The following DYNC1H1 variants were observed in gnomAD, a reference collection of about 807,000 sequenced individuals.
DYNC1H1 encodes the protein cytoplasmic dynein 1 heavy chain 1.
Under a neutral mutation model 527.1 loss-of-function variants are expected in DYNC1H1, and 51 were observed. The ratio of observed to expected loss-of-function variants is 0.10; its 90% CI spans 0.08 to 0.12. The LOEUF (loss-of-function observed/expected upper bound fraction) is 0.12. Among genes scored for constraint, DYNC1H1 ranks in the 10% least tolerant of loss-of-function variants. The pLI, the probability that DYNC1H1 is intolerant of heterozygous loss-of-function variation, is 1.00. For missense variants in DYNC1H1, 2,771 were observed against 5,971.8 expected (o/e 0.46, Z 17.66); for synonymous variants, 2,189 against 2,278.8 (o/e 0.96, Z 1.12).
Position 102,004,700 on chromosome 14 carries a change from A to C in DYNC1H1, c.5049+17A>C. On this transcript the variant is annotated intron_variant, in intron 24 of 77. Transcript: ENST00000360184. ...GGAGAGGAGGTAAATTTATGTTCGTAACTTTTAAAACTTCTCTCACATTTT... is the reference window on the plus strand; with the variant it reads ...GGAGAGGAGGTAAATTTATGTTCGTCACTTTTAAAACTTCTCTCACATTTT... 1 of 1,614,182 alleles carries C rather than the reference A, an allele frequency of 6.2e-7. No individual in the cohort carries two copies. The highest frequency in any genetic ancestry group is 8.5e-7 in the Non-Finnish European group (1 of 1,180,036).
Position 101,964,647 on chromosome 14 carries a change from G to T in DYNC1H1, c.-45G>T. The T allele has an allele frequency of 6.4e-7, 1 of 1,550,654 alleles. No homozygotes were observed. The highest frequency in any genetic ancestry group is 8.7e-7 in the Non-Finnish European group (1 of 1,154,226). The stretch of plus-strand genomic sequence containing the variant: ...CTCTTGCTGGCTGTCTCGCTGAGTC[G>T]CGGCCGCCTTCTCATCGCTCCTGGA... On this transcript the variant is annotated 5_prime_UTR_variant, in exon 1 of 78. Transcript: ENST00000360184. The surrounding 1 kb of genome is among the most constrained non-coding windows in gnomAD (Gnocchi z 5.5).
chr14:102,023,974 A>G (rs2048419241), intron 43 of DYNC1H1, among the ~76,000 whole-genome samples: 1 of 152,226 alleles, frequency 6.6e-6, no homozygotes, highest in Admixed American at 6.5e-5. Context: ...CGGTTACAGC[A>G]GTGATGTGCT....
rs144810397 is a variant in DYNC1H1 at position 102,000,428 on chromosome 14, G to A, written c.4074+29G>A. 1.5e-3 allele frequency: 2,331 copies of A among 1,605,074 alleles called. 3 individuals carry two copies. Among genetic ancestry groups the A allele is most frequent in the Middle Eastern group, 2.0e-3 (12 of 6,020 alleles). ...TATCATGAAATCGGTGTTTGTGTACGTCTATTTTAACAGTTACAGACTTTA... is the reference window on the plus strand; with the variant it reads ...TATCATGAAATCGGTGTTTGTGTACATCTATTTTAACAGTTACAGACTTTA... On this transcript the variant is annotated intron_variant, in intron 18 of 77. Transcript: ENST00000360184.
chr14:102,007,371 G>C (rs772034086), intron 28 of DYNC1H1, among the ~76,000 whole-genome samples: 2 of 152,114 alleles, frequency 1.3e-5, no homozygotes, highest in African/African-American at 4.8e-5. Flanking sequence ...GTTTTTTGAC[G>C]ACATTTTTAG....
chr14:102,048,880 T>C (rs2048764669), intron 74 of DYNC1H1: 2 of 670,440 alleles, frequency 3.0e-6, no homozygotes, highest in Non-Finnish European at 4.9e-6. Context: ...GCTGGTTCAC[T>C]GAATGTTGAC....
At position 102,040,266 on chromosome 14, in the gene DYNC1H1, C is replaced by T; in HGVS notation, c.11721C>T (p.His3907=). 6.2e-7 allele frequency: 1 copy of T among 1,614,222 alleles called. No homozygotes were observed. The highest frequency in any genetic ancestry group is 8.5e-7 in the Non-Finnish European group (1 of 1,180,052). The part of the protein sequence containing the change: ...GEPTYDAEFQ[H]FLRGNEIVLS... ...CCACCTACGATGCAGAATTCCAGCA[C>T]TTCTTGAGAGGAAATGAGATTGTCC... The change falls in exon 63 of 78, where the codon CAC becomes CAT. Residue 3907 remains histidine, a synonymous_variant. Transcript: ENST00000360184.
At chr14:101,980,629 A>G (rs2047852722) in intron 5 of DYNC1H1, 79 bp downstream of exon 5, 3 of 1,521,106 alleles carry the variant, frequency 2.0e-6, no homozygotes, top group Non-Finnish European at 2.7e-6. Flanking sequence ...ATTTAAATGA[A>G]AACTATAGTT....
chr14:102,009,825 C>T lies in DYNC1H1; in HGVS notation c.5978-18C>T. ...TTTTTTAACATTTCTAGTCTTAACGCTATCATCTCATTCTCAGCCTCTGCC... is the reference window on the plus strand; with the variant it reads ...TTTTTTAACATTTCTAGTCTTAACGTTATCATCTCATTCTCAGCCTCTGCC... On this transcript the variant is annotated intron_variant, in intron 29 of 77. Coordinates refer to ENST00000360184, the MANE Select transcript of DYNC1H1 (RefSeq NM_001376.5). 2.5e-6 allele frequency: 4 copies of T among 1,613,820 alleles called. No homozygotes were observed. The highest frequency in any genetic ancestry group is 3.4e-6 in the Non-Finnish European group (4 of 1,179,980).
At chr14:102,008,502 C>A (rs1049170429) in intron 29 of DYNC1H1, among the ~76,000 whole-genome samples, 165 bp downstream of exon 29, 2 of 152,092 alleles carry the variant, frequency 1.3e-5, no homozygotes, top group South Asian at 2.1e-4. Context: ...AGGTAAGAAA[C>A]CCAGGCCAGG....
rs1452468632 is a variant in DYNC1H1 at position 102,002,801 on chromosome 14, T to G, written c.4719T>G (p.Thr1573=). The change falls in exon 23 of 78, where the codon ACT becomes ACG. Residue 1573 remains threonine (T), a synonymous_variant. Transcript: ENST00000360184. The surrounding 1 kb of genome is among the most constrained non-coding windows in gnomAD (Gnocchi z 4.4). ...VETQRFQSIS[T]EFLALMKKVS... is the part of the protein sequence containing the mutation. ...TTAATTTCATTTGTAGCATCAGCAC[T>G]GAGTTTTTGGCTCTAATGAAAAAAG... 6.2e-7 allele frequency: 1 copy of G among 1,614,266 alleles called. No homozygotes were observed. The highest frequency in any genetic ancestry group is 8.5e-7 in the Non-Finnish European group (1 of 1,180,050).
rs797045535 is a variant in DYNC1H1 at position 102,017,157 on chromosome 14, G to A, written c.7918G>A (p.Glu2640Lys). 6.2e-7 allele frequency: 1 copy of A among 1,614,202 alleles called. No homozygotes were observed. Among genetic ancestry groups the A allele is most frequent in the Non-Finnish European group, 8.5e-7 (1 of 1,180,050 alleles). The change falls in exon 39 of 78, where the codon GAG becomes AAG. Residue 2640 changes from glutamate to lysine, a missense_variant. This residue lies in a region of DYNC1H1 where 163 missense variants were observed against 346.9 expected (regional missense o/e 0.47). Coordinates refer to ENST00000360184, the MANE Select transcript of DYNC1H1 (RefSeq NM_001376.5). This position sits in a 1 kb window ranked among gnomAD's most constrained non-coding sequence, Gnocchi z 4.6. ...LLLKTFDHYC[E>K]YRRTPNGVVL... ...TCTGAAGACTTTTGATCACTACTGC[G>A]AGTACAGGCGCACACCTAATGGGGT...
intron 7 of DYNC1H1, among the ~76,000 whole-genome samples, chr14:101,984,603 A>G (rs1197894249): frequency 6.7e-6 from 1 of 150,290 alleles, no homozygotes. Context: ...GGCGCCAGCC[A>G]CCACACCCAG....
In DYNC1H1 at chr14:102,049,568, G is replaced by T; in HGVS notation, c.13501G>T (p.Ala4501Ser). The change falls in exon 75 of 78, where the codon GCC becomes TCC. Residue 4501 changes from alanine to serine, a missense_variant. Ala to Ser is a moderately conservative substitution (Grantham distance 99). Transcript: ENST00000360184. The surrounding 1 kb of genome is among the most constrained non-coding windows in gnomAD (Gnocchi z 5.5). ...NISLAAASGG[A>S]KELKNIHVCL... Reference sequence around the variant, plus strand: ...CTCACTGGCAGCTGCATCTGGTGGCGCCAAGGAGCTAAAGGTGAAGGCGCT... The same window carrying T: ...CTCACTGGCAGCTGCATCTGGTGGCTCCAAGGAGCTAAAGGTGAAGGCGCT... 1 of 1,614,046 alleles carries T rather than the reference G, an allele frequency of 6.2e-7. No homozygotes were observed. Among genetic ancestry groups the T allele is most frequent in the East Asian group, 2.2e-5 (1 of 44,862 alleles).
rs1414609261 is a variant in DYNC1H1, at chr14:102,011,399, G to A, written c.6618+447G>A. 1 of 348,308 alleles carries A rather than the reference G, an allele frequency of 2.9e-6. No individual in the cohort carries two copies. The highest frequency in any genetic ancestry group is 5.5e-6 in the Non-Finnish European group (1 of 180,824). 21.6% of individuals were successfully genotyped at this position (348,308 alleles called of 1,614,324 possible). ...TGTTTGGCCTGAGAGATGCTGTACG[G>A]GATTGAACACATAGCTCATCCATTG... On this transcript the variant is annotated intron_variant, in intron 32 of 77. Transcript: ENST00000360184. The surrounding 1 kb of genome is among the most constrained non-coding windows in gnomAD (Gnocchi z 5.3).
Position 102,039,371 on chromosome 14 carries a change from C to A in DYNC1H1, c.11461-41C>A, listed in dbSNP as rs1490434117. 1 of 1,614,032 alleles carries A rather than the reference C, an allele frequency of 6.2e-7. No individual in the cohort carries two copies. Among genetic ancestry groups the A allele is most frequent in the Non-Finnish European group, 8.5e-7 (1 of 1,180,032 alleles). On this transcript the variant is annotated intron_variant, in intron 60 of 77. Coordinates refer to ENST00000360184, the MANE Select transcript of DYNC1H1 (RefSeq NM_001376.5). This position sits in a 1 kb window ranked among gnomAD's most constrained non-coding sequence, Gnocchi z 7.0. The stretch of plus-strand genomic sequence containing the variant: ...GGCCACGCAGAAGTTCAGCGGGGTG[C>A]CGAGGGAGCTGCCTCACCGCTGCCC...
intron 34 of DYNC1H1, among the ~76,000 whole-genome samples, chr14:102,014,817 G>C (rs773633989): frequency 1.3e-5 from 2 of 151,992 alleles, no homozygotes; most frequent in Non-Finnish European, 2.9e-5. Flanking sequence ...TTTTACATAA[G>C]TGCAGAAAAA....
Position 102,049,426 on chromosome 14 carries a change from T to C in DYNC1H1, c.13373-14T>C, listed in dbSNP as rs2048773352. 1.2e-6 allele frequency: 2 copies of C among 1,613,884 alleles called. No individual in the cohort carries two copies. The highest frequency in any genetic ancestry group is 1.7e-6 in the Non-Finnish European group (2 of 1,180,038). On this transcript the variant is annotated splice_polypyrimidine_tract_variant and intron_variant, in intron 74 of 77. Transcript: ENST00000360184. The surrounding 1 kb of genome is among the most constrained non-coding windows in gnomAD (Gnocchi z 5.5). Reference sequence around the variant, plus strand: ...GAGAGCTGACACCCTGGGCTCTGTGTGCCTTGGCTGCAGGGATCTTGCCTC... The same window carrying C: ...GAGAGCTGACACCCTGGGCTCTGTGCGCCTTGGCTGCAGGGATCTTGCCTC...
intron 57 of DYNC1H1, chr14:102,037,909 G>C (rs1254609897): frequency 5.7e-6 from 1 of 174,710 alleles, no homozygotes; most frequent in African/African-American, 2.4e-5. Context: ...ACTTTCTGCA[G>C]GGGCAGGAAT....
rs767290001 is a variant in DYNC1H1, at chr14:101,983,377, C to T, written c.1234-5C>T. ...ATAAGCCTCACTTTTGAAATTATATCCTAGGTTATGGTAGCATGCTTTGAA... is the reference window on the plus strand; with the variant it reads ...ATAAGCCTCACTTTTGAAATTATATTCTAGGTTATGGTAGCATGCTTTGAA... On this transcript the variant is annotated splice_polypyrimidine_tract_variant and splice_region_variant and intron_variant, in intron 6 of 77. Transcript: ENST00000360184. The surrounding 1 kb of genome is among the most constrained non-coding windows in gnomAD (Gnocchi z 5.3). 1.2e-6 allele frequency: 2 copies of T among 1,613,974 alleles called. No individual in the cohort carries two copies. The highest frequency in any genetic ancestry group is 1.7e-6 in the Non-Finnish European group (2 of 1,179,970).
Sources: allele counts gnomAD v4.1 joint callset (sites outside exome capture counted in the v4.1 genomes callset), GRCh38; gene constraint gnomAD v4.1.1; regional missense constraint gnomAD v4.1.1; non-coding constraint Gnocchi (gnomAD v3.1); transcripts MANE v1.5; gene names NCBI Gene and HGNC (gene_info 2026-07-23, HGNC 2026-07-21).